UBE2E2: variants seen among roughly 807,000 people sequenced by gnomAD.
The protein encoded by UBE2E2 is ubiquitin conjugating enzyme E2 E2, also known as ubiquitin-conjugating enzyme E2 E2.
In UBE2E2, 6 loss-of-function variants were observed where a neutral mutation model predicts 24.7. The ratio of observed to expected loss-of-function variants is 0.24; its 90% CI spans 0.13 to 0.48. The LOEUF is 0.48. Among genes scored for constraint, UBE2E2 ranks in the 20% least tolerant of loss-of-function variants. The probability of loss-of-function intolerance (pLI) is 0.99; values close to 1 mark genes in which losing one functional copy is unlikely to be tolerated. For missense variants in UBE2E2, 169 were observed against 245.0 expected (o/e 0.69, Z 2.07); for synonymous variants, 104 against 83.6 (o/e 1.24, Z -1.33).
At chr3:23,372,454 A>C (rs1052600549) in intron 3 of UBE2E2, among the ~76,000 whole-genome samples, 7 of 152,184 alleles carry the variant, frequency 4.6e-5, no homozygotes, top group African/African-American at 9.7e-5. Context: ...TTGCCTCTGC[A>C]CTATTAGTTG....
At chr3:23,241,744 G>A (rs1286852295) in intron 3 of UBE2E2, among the ~76,000 whole-genome samples, 1 of 152,086 alleles carries the variant, frequency 6.6e-6, no homozygotes, top group African/African-American at 2.4e-5. Flanking sequence ...CCATTAGAAT[G>A]TGAATATCTG....
At chr3:23,372,149 G>C (rs968700312) in intron 3 of UBE2E2, among the ~76,000 whole-genome samples, 1 of 151,986 alleles carries the variant, frequency 6.6e-6, no homozygotes, top group African/African-American at 2.4e-5. Flanking sequence ...TCATTGAGCT[G>C]TATAAAATAT....
chr3:23,348,006 TAAAAA>T (rs200603091), intron 3 of UBE2E2, among the ~76,000 whole-genome samples: 1 of 151,552 alleles, frequency 6.6e-6, no homozygotes, highest in Non-Finnish European at 1.5e-5. Context: ...TAAAGTATAA[TAAAAA>T]AAAGAAGGGG....
chr3:23,384,415 C>A (rs530168822), intron 3 of UBE2E2, among the ~76,000 whole-genome samples: 1 of 152,296 alleles, frequency 6.6e-6, no homozygotes, highest in Admixed American at 6.5e-5. Context: ...CTTGCCACCC[C>A]AGCCTTCAAA....
At chr3:23,575,673 G>C (rs1018718731) in intron 5 of UBE2E2, among the ~76,000 whole-genome samples, 4 of 152,106 alleles carry the variant, frequency 2.6e-5, no homozygotes, top group Admixed American at 6.6e-5. Context: ...CAGAAAGAGA[G>C]TAAATTGTAC....
At chr3:23,378,058 C>T (rs1008993407) in intron 3 of UBE2E2, among the ~76,000 whole-genome samples, 7 of 151,782 alleles carry the variant, frequency 4.6e-5, no homozygotes, top group Non-Finnish European at 1.0e-4. Context: ...TCTTAATCTG[C>T]TATAATGTGA....
At chr3:23,564,017 G>A (rs1179079835) in intron 5 of UBE2E2, among the ~76,000 whole-genome samples, 1 of 146,970 alleles carries the variant, frequency 6.8e-6, no homozygotes, top group East Asian at 2.0e-4. Flanking sequence ...AAGAAGGAAG[G>A]AAGGAAAGAG....
intron 3 of UBE2E2, among the ~76,000 whole-genome samples, chr3:23,353,340 C>T (rs942093691): frequency 1.1e-4 from 16 of 152,058 alleles, no homozygotes; most frequent in Admixed American, 6.5e-4. Context: ...CAGGGATGCC[C>T]TCTCTCACCA....
chr3:23,216,013 AGTTT>A (rs1575476206), intron 2 of UBE2E2, among the ~76,000 whole-genome samples: 2 of 152,264 alleles, frequency 1.3e-5, no homozygotes, highest in Admixed American at 6.5e-5. Context: ...GAGATCACGG[AGTTT>A]GTTCTAGTTA....
At chr3:23,362,337 A>G (rs1696139817) in intron 3 of UBE2E2, among the ~76,000 whole-genome samples, 1 of 152,138 alleles carries the variant, frequency 6.6e-6, no homozygotes, top group African/African-American at 2.4e-5. Flanking sequence ...TTATAGGCTG[A>G]AGCAGAGAGC....
intron 3 of UBE2E2, among the ~76,000 whole-genome samples, chr3:23,310,954 C>G (rs1694367073): frequency 6.6e-6 from 1 of 151,992 alleles, no homozygotes; most frequent in Non-Finnish European, 1.5e-5. Context: ...GTGTGCTGCA[C>G]CCATTAACTT....
chr3:23,466,164 C>T (rs1698914530), intron 3 of UBE2E2, among the ~76,000 whole-genome samples: 3 of 152,132 alleles, frequency 2.0e-5, no homozygotes, highest in Admixed American at 2.0e-4. Flanking sequence ...GAAAAGTATA[C>T]AGCCAGCACA....
chr3:23,513,044 A>G (rs900099978), intron 4 of UBE2E2, among the ~76,000 whole-genome samples: 2 of 152,018 alleles, frequency 1.3e-5, no homozygotes, highest in African/African-American at 4.8e-5. Context: ...TGCATTTTAA[A>G]CTCTATCTCT....
chr3:23,489,530 C>T (rs1559400340), intron 3 of UBE2E2, among the ~76,000 whole-genome samples: 1 of 152,136 alleles, frequency 6.6e-6, no homozygotes, highest in Non-Finnish European at 1.5e-5. Context: ...GAAATTAGAG[C>T]CCGTAAAGTG....
At chr3:23,420,588 C>G (rs951166752) in intron 3 of UBE2E2, among the ~76,000 whole-genome samples, 3 of 152,184 alleles carry the variant, frequency 2.0e-5, no homozygotes, top group African/African-American at 7.2e-5. Flanking sequence ...TGTATCTGTA[C>G]TGTAAGGACA....
chr3:23,468,885 C>G lies in UBE2E2; in HGVS notation c.228-30723C>G, dbSNP rs182038282. Reference sequence around the variant, plus strand: ...TAATTAGAACTTGTGTGTGTCGATGCCTGGTATATTGTGGGCATATACTAA... The same window carrying G: ...TAATTAGAACTTGTGTGTGTCGATGGCTGGTATATTGTGGGCATATACTAA... On this transcript the variant is annotated intron_variant, in intron 3 of 5. Transcript: ENST00000396703. Among the ~76,000 whole-genome samples, 602 of 152,238 alleles carry G rather than the reference C, an allele frequency of 4.0e-3. 3 individuals are homozygous for G. Among genetic ancestry groups the G allele is most frequent in the African/African-American group, 0.013 (547 of 41,534 alleles).
At chr3:23,294,779 AT>A (rs1698865850) in intron 3 of UBE2E2, among the ~76,000 whole-genome samples, 1 of 149,390 alleles carries the variant, frequency 6.7e-6, no homozygotes, top group African/African-American at 2.4e-5. Flanking sequence ...TTTATTAGAT[AT>A]TTTTGTATCT....
intron 4 of UBE2E2, among the ~76,000 whole-genome samples, chr3:23,515,155 A>G (rs1694700623): frequency 6.6e-6 from 1 of 150,616 alleles, no homozygotes; most frequent in South Asian, 2.1e-4. Flanking sequence ...GTGTGTGTGT[A>G]CATATATATA....
chr3:23,344,958 A>G (rs1315541194), intron 3 of UBE2E2, among the ~76,000 whole-genome samples: 1 of 152,174 alleles, frequency 6.6e-6, no homozygotes, highest in Non-Finnish European at 1.5e-5. Context: ...TATGTAAGGC[A>G]TTATCCTCAA....
Sources: allele counts gnomAD v4.1 joint callset (sites outside exome capture counted in the v4.1 genomes callset), GRCh38; gene constraint gnomAD v4.1.1; transcripts MANE v1.5; gene names NCBI Gene and HGNC (gene_info 2026-07-23, HGNC 2026-07-21).